The following CACNA2D3 variants were observed in gnomAD, a reference collection of about 807,000 sequenced individuals.
The protein encoded by CACNA2D3 is calcium voltage-gated channel auxiliary subunit alpha2delta 3.
Under a neutral mutation model 160.6 loss-of-function variants are expected in CACNA2D3, and 60 were observed. The observed-to-expected ratio is 0.37, with a 90% CI of 0.30 to 0.46. CACNA2D3 has a LOEUF of 0.46. Ranked by LOEUF, CACNA2D3 falls within the 20% of genes least tolerant of loss-of-function variation. The pLI is 1.00. For missense variants in CACNA2D3, 1,205 were observed against 1,365.0 expected (o/e 0.88, Z 1.85); for synonymous variants, 558 against 492.9 (o/e 1.13, Z -1.75).
chr3:54,336,849 A>C (rs933043932), intron 3 of CACNA2D3, among the ~76,000 whole-genome samples: 1 of 152,190 alleles, frequency 6.6e-6, no homozygotes, highest in Non-Finnish European at 1.5e-5. Context: ...CATCTATATA[A>C]ATTAAAAGTA....
chr3:54,253,315 G>A (rs1207798344), intron 2 of CACNA2D3, among the ~76,000 whole-genome samples: 3 of 152,106 alleles, frequency 2.0e-5, no homozygotes, highest in Non-Finnish European at 1.5e-5. Context: ...TTGTGCTTCT[G>A]TAGGTTTTAC....
chr3:54,301,023 TTAA>T (rs1251082630), intron 2 of CACNA2D3, among the ~76,000 whole-genome samples: 1 of 148,848 alleles, frequency 6.7e-6, no homozygotes, highest in Non-Finnish European at 1.5e-5. Context: ...CTGTGTCCCT[TTAA>T]AAAAAAAAAA....
chr3:55,004,550 GT>G (rs1703048853), intron 31 of CACNA2D3, among the ~76,000 whole-genome samples: 1 of 152,112 alleles, frequency 6.6e-6, no homozygotes, highest in East Asian at 1.9e-4. Flanking sequence ...CAATACCTTC[GT>G]TCCCTTTGTC....
chr3:54,917,435 C>G (rs1700688117), intron 27 of CACNA2D3, among the ~76,000 whole-genome samples: 1 of 152,180 alleles, frequency 6.6e-6, no homozygotes, highest in African/African-American at 2.4e-5. Context: ...TACTCCTATC[C>G]CAGTGTGGGG....
rs545039619 is a variant in CACNA2D3, at chr3:54,764,464, T to G, written c.1380+113T>G. The G allele has an allele frequency of 1.6e-3, 2,133 of 1,319,700 alleles. 3 individuals are homozygous for G. The highest frequency in any genetic ancestry group is 2.1e-3 in the Non-Finnish European group (2,024 of 960,346). 81.7% of individuals were successfully genotyped at this position (1,319,700 alleles called of 1,614,324 possible). ...CTTATTTTTTGTGTTCAGTGACACTTTTCTTGATTGTTTGTATAGTGTTGG... is the reference window on the plus strand; with the variant it reads ...CTTATTTTTTGTGTTCAGTGACACTGTTCTTGATTGTTTGTATAGTGTTGG... On this transcript the variant is annotated intron_variant, in intron 13 of 37. Transcript: ENST00000474759.
intron 34 of CACNA2D3, among the ~76,000 whole-genome samples, chr3:55,012,485 CCTT>C (rs1703231210): frequency 6.6e-6 from 1 of 152,104 alleles, no homozygotes; most frequent in Non-Finnish European, 1.5e-5. Context: ...GACCTGTTTC[CCTT>C]CTTTGTGACC....
intron 35 of CACNA2D3, among the ~76,000 whole-genome samples, chr3:55,071,525 T>C (rs1341722924): frequency 6.6e-6 from 1 of 152,224 alleles, no homozygotes; most frequent in Non-Finnish European, 1.5e-5. Flanking sequence ...TACCTTTGAC[T>C]GACTCTCTTT....
At chr3:54,289,033 C>T (rs1054033044) in intron 2 of CACNA2D3, among the ~76,000 whole-genome samples, 1 of 152,120 alleles carries the variant, frequency 6.6e-6, no homozygotes, top group African/African-American at 2.4e-5. Context: ...CCTCTCTCAC[C>T]ACTCCTATTC....
At chr3:54,940,486 A>C (rs1029322267) in intron 27 of CACNA2D3, among the ~76,000 whole-genome samples, 2 of 152,194 alleles carry the variant, frequency 1.3e-5, no homozygotes, top group African/African-American at 4.8e-5. Context: ...GACAGCTCAC[A>C]GAGCTTCGGG....
At chr3:54,823,651 A>G (rs766956561) in intron 14 of CACNA2D3, among the ~76,000 whole-genome samples, 4 of 152,206 alleles carry the variant, frequency 2.6e-5, no homozygotes, top group Non-Finnish European at 5.9e-5. Flanking sequence ...AAACAAAACC[A>G]TAGTTCAAAA....
intron 13 of CACNA2D3, among the ~76,000 whole-genome samples, chr3:54,777,086 C>G (rs1702438875): frequency 6.6e-6 from 1 of 152,180 alleles, no homozygotes; most frequent in African/African-American, 2.4e-5. Context: ...GGTTTGATAT[C>G]AGCTGCCAGT....
chr3:54,642,092 A>T, intron 10 of CACNA2D3, 36 bp from the exon 11 acceptor site: 1 of 1,347,414 alleles, frequency 7.4e-7, no homozygotes, highest in Non-Finnish European at 1.0e-6. Context: ...GAATTCTCTG[A>T]TATGTATACT....
intron 35 of CACNA2D3, among the ~76,000 whole-genome samples, chr3:55,045,134 C>T (rs977995643): frequency 4.6e-5 from 7 of 152,110 alleles, no homozygotes; most frequent in Non-Finnish European, 8.8e-5. Flanking sequence ...CTGCAACCTC[C>T]GCCTCTCAGG....
At chr3:54,953,230 G>C (rs904482546) in intron 27 of CACNA2D3, among the ~76,000 whole-genome samples, 1 of 152,148 alleles carries the variant, frequency 6.6e-6, no homozygotes, top group Admixed American at 6.5e-5. Context: ...CATGACTCCT[G>C]TTCCCATTGT....
At chr3:54,846,509 T>C in intron 17 of CACNA2D3, 42 bp downstream of exon 17, 4 of 1,296,770 alleles carry the variant, frequency 3.1e-6, no homozygotes, top group Non-Finnish European at 4.4e-6. Flanking sequence ...CTTTTATGAT[T>C]TTAAAAGATT....
chr3:54,183,475 T>C (rs1467626847), intron 2 of CACNA2D3, among the ~76,000 whole-genome samples: 1 of 152,000 alleles, frequency 6.6e-6, no homozygotes, highest in African/African-American at 2.4e-5. Context: ...CTTGGGTGCT[T>C]TTTGCCAACG....
intron 11 of CACNA2D3, among the ~76,000 whole-genome samples, chr3:54,733,026 C>T (rs866954175): frequency 1.3e-5 from 2 of 152,348 alleles, no homozygotes; most frequent in Middle Eastern, 3.4e-3. Flanking sequence ...CCCACAGGTT[C>T]TCCCACGGTA....
chr3:54,681,536 G>T (rs1459903052), intron 11 of CACNA2D3, among the ~76,000 whole-genome samples: 1 of 144,456 alleles, frequency 6.9e-6, no homozygotes, highest in Non-Finnish European at 1.5e-5. Context: ...CAGCCTGGGC[G>T]ACAGAGTGAG....
chr3:54,159,586 T>C (rs1232775645), intron 2 of CACNA2D3, among the ~76,000 whole-genome samples: 2 of 152,156 alleles, frequency 1.3e-5, no homozygotes, highest in African/African-American at 4.8e-5. Context: ...GCCAGGCTTG[T>C]GTTGGGTGCA....
Sources: gnomAD v4.1 joint callset for allele counts (sites outside exome capture counted in the v4.1 genomes callset) on GRCh38, gnomAD v4.1.1 for gene constraint, MANE v1.5 for transcripts, NCBI Gene and HGNC (gene_info 2026-07-23, HGNC 2026-07-21) for gene names.